The following SLC45A4 variants were observed in gnomAD, a reference collection of about 807,000 sequenced individuals.
SLC45A4 encodes the protein polyamine-transporter SLC45A4.
In SLC45A4, 32 loss-of-function variants were observed where a neutral mutation model predicts 63.7. That is an observed-to-expected ratio of 0.50 (90% CI 0.38 to 0.67). The LOEUF (loss-of-function observed/expected upper bound fraction) is 0.67. Among genes scored for constraint, SLC45A4 ranks in the 30% least tolerant of loss-of-function variants. SLC45A4 has a pLI of 0.00. For synonymous variants in SLC45A4, 535 were observed against 510.0 expected, an observed-to-expected ratio of 1.05 and a Z score of -0.66; for missense variants, 1,027 against 1,157.7, an observed-to-expected ratio of 0.89 and a Z score of 1.64.
intron 1 of SLC45A4, among the ~76,000 whole-genome samples, chr8:141,287,109 G>A (rs1029642138): frequency 2.0e-5 from 3 of 152,064 alleles, no homozygotes; most frequent in East Asian, 1.9e-4. Context: ...GCACTTCCCG[G>A]TTCCTTCCAC....
At chr8:141,272,873 G>A (rs566013602) in intron 1 of SLC45A4, among the ~76,000 whole-genome samples, 6 of 152,234 alleles carry the variant, frequency 3.9e-5, no homozygotes, top group Admixed American at 2.6e-4. Flanking sequence ...TTTACATGAC[G>A]GTAAATACTC....
At position 141,211,616 on chromosome 8, in the gene SLC45A4, AATC is replaced by A; in HGVS notation, c.2380_2382del (p.Asp794del). The A allele has an allele frequency of 1.9e-6, 3 of 1,612,560 alleles. No individual in the cohort carries two copies. The highest frequency in any genetic ancestry group is 2.5e-6 in the Non-Finnish European group (3 of 1,179,718). ...GAAAAGAAAATTTTTTTTCTAAAAT[AATC>A]ATAAAGAAAAATACTCTCCAACAGC... On this transcript the variant is annotated inframe_deletion, in exon 9 of 9. Coordinates refer to ENST00000517878, the MANE Select transcript of SLC45A4 (RefSeq NM_001286646.2).
intron 1 of SLC45A4, among the ~76,000 whole-genome samples, chr8:141,272,348 G>A (rs1162264286): frequency 6.6e-6 from 1 of 152,186 alleles, no homozygotes; most frequent in Non-Finnish European, 1.5e-5. Flanking sequence ...ACGCGCTACG[G>A]CTGATCTCGC....
chr8:141,221,789 G>T, intron 2 of SLC45A4, 24 bp from the exon 3 acceptor site: 1 of 1,599,216 alleles, frequency 6.3e-7, no homozygotes. Context: ...GAGGGCCGTC[G>T]CACACGCAGG....
intron 1 of SLC45A4, among the ~76,000 whole-genome samples, chr8:141,294,428 C>T (rs1225423784): frequency 1.3e-5 from 2 of 152,218 alleles, no homozygotes; most frequent in Non-Finnish European, 2.9e-5. Flanking sequence ...CCCCGCCTCA[C>T]CAACCCAATT....
Position 141,218,943 on chromosome 8 carries a change from C to T in SLC45A4, c.697G>A (p.Val233Met). 6.2e-7 allele frequency: 1 copy of T among 1,613,722 alleles called. No individual in the cohort carries two copies. Among genetic ancestry groups the T allele is most frequent in the Non-Finnish European group, 8.5e-7 (1 of 1,179,940 alleles). Residue 233 changes from valine (V) to methionine (M), a missense_variant, in exon 5 of 9, where the codon GTG becomes ATG. Transcript: ENST00000517878. ...LGSWFRTQNQ[V>M]LFFFAAIIFT... ...ATGATGGCGGCAAAGAAGAAGAGCA[C>T]CTGGTTCTGGGTCCGGAACCAGCTG...
At chr8:141,242,920 C>T (rs1356111972) in intron 2 of SLC45A4, among the ~76,000 whole-genome samples, 3 of 152,350 alleles carry the variant, frequency 2.0e-5, no homozygotes, top group South Asian at 2.1e-4. Flanking sequence ...TCACAAGAGG[C>T]GACGGGATTT....
chr8:141,236,601 G>A (rs762599920), intron 2 of SLC45A4, among the ~76,000 whole-genome samples: 11 of 152,070 alleles, frequency 7.2e-5, no homozygotes, highest in South Asian at 2.1e-4. Context: ...TAAATAGTCC[G>A]TTTTTTTTAA....
chr8:141,215,779 G>A lies in SLC45A4; in HGVS notation c.1921C>T (p.Gln641Ter). Reference protein sequence around the residue: ...ISYCPYALLGQYHDIKQYIHH... With the variant: ...ISYCPYALLG ...CGCACCTGCTTGATGTCATGGTACT[G>A]GCCCAGCAGGGCGTACGGGCAGTAG... is the stretch of plus-strand genomic sequence containing the variant. Residue 641 changes from glutamine (Q) to a stop codon, truncating the protein, a stop_gained, in exon 7 of 9, where the codon CAG (glutamine) becomes TAG (stop). Transcript: ENST00000517878. LOFTEE classifies it high-confidence loss of function. The surrounding 1 kb of genome is among the most constrained non-coding windows in gnomAD (Gnocchi z 4.3). 2 of 1,613,682 alleles carry A rather than the reference G, an allele frequency of 1.2e-6. No homozygotes were observed. The highest frequency in any genetic ancestry group is 1.7e-6 in the Non-Finnish European group (2 of 1,180,004).
At chr8:141,246,521 C>T (rs553852363) in intron 2 of SLC45A4, among the ~76,000 whole-genome samples, 4 of 152,188 alleles carry the variant, frequency 2.6e-5, no homozygotes, top group Non-Finnish European at 4.4e-5. Context: ...CAGAGAGGGT[C>T]TCCCAGCAAG....
intron 2 of SLC45A4, among the ~76,000 whole-genome samples, chr8:141,251,443 C>A (rs1274244451): frequency 3.3e-5 from 5 of 151,898 alleles, no homozygotes; most frequent in African/African-American, 1.2e-4. Context: ...TCTCGAAGCG[C>A]CCCCCCTGCC....
intron 3 of SLC45A4, among the ~76,000 whole-genome samples, chr8:141,221,230 C>T (rs1254501871): frequency 6.6e-6 from 1 of 152,260 alleles, no homozygotes; most frequent in Admixed American, 6.5e-5. Context: ...AACATCAAAC[C>T]AGGTTCTGGA....
At chr8:141,271,811 A>C (rs1187221665) in intron 1 of SLC45A4, among the ~76,000 whole-genome samples, 1 of 148,632 alleles carries the variant, frequency 6.7e-6, no homozygotes, top group East Asian at 1.9e-4. Context: ...TGTGCACACA[A>C]CACACACACC....
At chr8:141,260,918 A>G (rs1829017504) in intron 1 of SLC45A4, among the ~76,000 whole-genome samples, 1 of 152,234 alleles carries the variant, frequency 6.6e-6, no homozygotes, top group Non-Finnish European at 1.5e-5. Flanking sequence ...CAGAGACAGA[A>G]CCAAAAAAGA....
rs1826319728 is a variant in SLC45A4 at position 141,218,337 on chromosome 8, A to C, written c.1303T>G (p.Ser435Ala). The change falls in exon 5 of 9, where the codon TCC becomes GCC. Residue 435 changes from serine (S) to alanine (A), a missense_variant. Physicochemically the swap from Ser to Ala is moderately conservative, Grantham distance 99. Coordinates refer to ENST00000517878, the MANE Select transcript of SLC45A4 (RefSeq NM_001286646.2). ...STFSYYGKLG[S>A]HCYRYRRANA... Reference sequence around the variant, plus strand: ...GCGCGCCGGTAGCGGTAGCAGTGGGACCCAAGCTTGCCGTAGTAGGAGAAG... The same window carrying C: ...GCGCGCCGGTAGCGGTAGCAGTGGGCCCCAAGCTTGCCGTAGTAGGAGAAG... 6.2e-7 allele frequency: 1 copy of C among 1,608,010 alleles called. No homozygotes were observed. Among genetic ancestry groups the C allele is most frequent in the Non-Finnish European group, 8.5e-7 (1 of 1,179,834 alleles).
In SLC45A4 at chr8:141,219,139, G is replaced by T. The variant is rs896845261; in HGVS notation, c.611-110C>A. 8 of 1,244,046 alleles carry T rather than the reference G, an allele frequency of 6.4e-6. No homozygotes were observed. The Admixed American group carries it at 1.8e-4, about 28-fold the overall frequency. 77.1% of individuals were successfully genotyped at this position (1,244,046 alleles called of 1,614,324 possible). A position where few individuals can be genotyped will look rare whatever the true frequency, so the allele number is the denominator to read the frequency against. On this transcript the variant is annotated intron_variant, in intron 4 of 8. Coordinates refer to ENST00000517878, the MANE Select transcript of SLC45A4 (RefSeq NM_001286646.2). Reference sequence around the variant, plus strand: ...GGGGGCCGGGGCTGCCCTCATGATGGGAGTCAGGGGCTGGAGAAGGAGAAA... The same window carrying T: ...GGGGGCCGGGGCTGCCCTCATGATGTGAGTCAGGGGCTGGAGAAGGAGAAA...
At chr8:141,217,314 C>G (rs1296136583) in intron 5 of SLC45A4, 125 bp from the exon 6 acceptor site, 1 of 972,606 alleles carries the variant, frequency 1.0e-6, no homozygotes, top group East Asian at 2.6e-5. Flanking sequence ...AAAGTCCCAT[C>G]CAGGAGGAGA....
At chr8:141,265,017 C>CT (rs1829204607) in intron 1 of SLC45A4, among the ~76,000 whole-genome samples, 1 of 152,286 alleles carries the variant, frequency 6.6e-6, no homozygotes, top group South Asian at 2.1e-4. Flanking sequence ...TAATCTAATT[C>CT]TTTTGTTGTC....
intron 1 of SLC45A4, among the ~76,000 whole-genome samples, chr8:141,269,016 C>A (rs1185507410): frequency 6.6e-6 from 1 of 152,226 alleles, no homozygotes; most frequent in Non-Finnish European, 1.5e-5. Context: ...TGTGGAGGGG[C>A]TTCCCTAAAC....
Sources: gnomAD v4.1 joint callset for allele counts (sites outside exome capture counted in the v4.1 genomes callset) on GRCh38, gnomAD v4.1.1 for gene constraint, Gnocchi (gnomAD v3.1) non-coding constraint, MANE v1.5 for transcripts, NCBI Gene and HGNC (gene_info 2026-07-23, HGNC 2026-07-21) for gene names.